The following BACH2 variants were observed in gnomAD, a reference collection of about 807,000 sequenced individuals.
The protein encoded by BACH2 is BACH transcriptional regulator 2.
Under a neutral mutation model 61.8 loss-of-function variants are expected in BACH2, and 5 were observed. That is an observed-to-expected ratio of 0.08 (90% confidence interval 0.04 to 0.17). BACH2 has a LOEUF of 0.17. BACH2 is among the 10% of genes least tolerant of loss of function. The pLI is 1.00. For missense variants in BACH2, 824 were observed against 1,091.1 expected, an observed-to-expected ratio of 0.76 and a Z score of 3.45; for synonymous variants, 446 against 440.1, an observed-to-expected ratio of 1.01 and a Z score of -0.17.
chr6:90,051,288 T>A (rs1365435360), intron 5 of BACH2, among the ~76,000 whole-genome samples: 1 of 152,244 alleles, frequency 6.6e-6, no homozygotes, highest in Non-Finnish European at 1.5e-5. Context: ...ATATATTGTA[T>A]ATTGATCTTA....
intron 4 of BACH2, among the ~76,000 whole-genome samples, chr6:90,181,658 T>G (rs1337418532): frequency 6.6e-6 from 1 of 152,102 alleles, no homozygotes; most frequent in South Asian, 2.1e-4. Flanking sequence ...CACAGCTCAC[T>G]GCAGCCTCGA....
intron 4 of BACH2, among the ~76,000 whole-genome samples, chr6:90,103,290 A>G (rs1782757511): frequency 6.6e-6 from 1 of 151,788 alleles, no homozygotes; most frequent in Non-Finnish European, 1.5e-5. Context: ...GAGCAGAGAG[A>G]GCCAGGAGCT....
At chr6:90,179,250 A>G (rs1016218279) in intron 4 of BACH2, among the ~76,000 whole-genome samples, 1 of 152,228 alleles carries the variant, frequency 6.6e-6, no homozygotes, top group Non-Finnish European at 1.5e-5. Flanking sequence ...ATCACTAATG[A>G]AATGTATCCA....
chr6:90,110,584 T>C (rs1783125911), intron 4 of BACH2, among the ~76,000 whole-genome samples: 1 of 152,250 alleles, frequency 6.6e-6, no homozygotes, highest in Admixed American at 6.5e-5. Flanking sequence ...GTAGCAGCTA[T>C]GTGTTTTCCA....
At chr6:90,112,462 GAA>G (rs1783215644) in intron 4 of BACH2, among the ~76,000 whole-genome samples, 1 of 152,134 alleles carries the variant, frequency 6.6e-6, no homozygotes, top group Non-Finnish European at 1.5e-5. Context: ...CATTCTTACA[GAA>G]AAAAGTCTTC....
chr6:89,932,146 C>T lies in BACH2; in HGVS notation c.*262G>A, dbSNP rs1772690246. On this transcript the variant is annotated 3_prime_UTR_variant, in exon 9 of 9. Coordinates refer to ENST00000257749, the MANE Select transcript of BACH2 (RefSeq NM_021813.4). ...GTGTTGTAGTCTATCCCTGTGAAGA[C>T]TGAAATTGAGCCACAGACAGACAGT... The T allele has an allele frequency of 2.5e-6, 1 of 394,994 alleles. No homozygotes were observed. The allele number at this position is 394,994 out of a possible 1,614,324, so 24.5% of individuals were successfully genotyped here.
In BACH2 at chr6:90,008,300, T is replaced by C. The variant is rs16882351; in HGVS notation, c.243+302A>G. 0.11 allele frequency: 51,055 copies of C among 447,942 alleles called. 3,184 individuals are homozygous for C. The highest frequency in any genetic ancestry group is 0.19 in the Middle Eastern group (294 of 1,518). 27.7% of individuals were successfully genotyped at this position (447,942 alleles called of 1,614,324 possible). ...ATAGCAATGATTCAGATCCCACATC[T>C]AGGACTGTGCCAAACTTAGGCTGAA... On this transcript the variant is annotated intron_variant, in intron 6 of 8. Coordinates refer to ENST00000257749, the MANE Select transcript of BACH2 (RefSeq NM_021813.4). This position sits in a 1 kb window ranked among gnomAD's most constrained non-coding sequence, Gnocchi z 4.1.
rs373993227 is a variant in BACH2 at position 89,939,935 on chromosome 6, C to G, written c.1837-1585G>C. On this transcript the variant is annotated intron_variant, in intron 7 of 8. Coordinates refer to ENST00000257749, the MANE Select transcript of BACH2 (RefSeq NM_021813.4). ...CAGGCTGGTTTCAAACTCCTGGGCT[C>G]AAGTGATTCTCCCTACTCAGCCTCC... Among the ~76,000 whole-genome samples the G allele has an allele frequency of 3.6e-4, 54 of 149,600 alleles. No homozygotes were observed. The South Asian group carries it at 0.011, about 32-fold the overall frequency.
chr6:90,011,477 C>A (rs1286690756), intron 5 of BACH2, among the ~76,000 whole-genome samples: 2 of 152,210 alleles, frequency 1.3e-5, no homozygotes, highest in Non-Finnish European at 2.9e-5. Flanking sequence ...GTTGTTTTTA[C>A]ATTTATGAAT....
intron 4 of BACH2, among the ~76,000 whole-genome samples, chr6:90,091,026 A>G (rs930145062): frequency 3.9e-5 from 6 of 152,190 alleles, no homozygotes; most frequent in Non-Finnish European, 5.9e-5. Flanking sequence ...CGCCAAGTGC[A>G]TTGGTAACAA....
rs772764519 is a variant in BACH2 at position 89,951,485 on chromosome 6, C to A, written c.621G>T (p.Leu207=). The part of the protein sequence containing the change: ...IPVAEKEEAL[L]PEPDVPTDTK... ...TGTCTGTGGGCACGTCAGGCTCGGG[C>A]AGCAGGGCTTCTTCCTTCTCTGCTA... Residue 207 remains leucine (L), a synonymous_variant, in exon 7 of 9, where the codon CTG becomes CTT. Coordinates refer to ENST00000257749, the MANE Select transcript of BACH2 (RefSeq NM_021813.4). This position sits in a 1 kb window ranked among gnomAD's most constrained non-coding sequence, Gnocchi z 6.4. 4.3e-6 allele frequency: 7 copies of A among 1,614,116 alleles called. No individual in the cohort carries two copies. The South Asian group carries it at 6.6e-5, about 15-fold the overall frequency.
intron 1 of BACH2, among the ~76,000 whole-genome samples, chr6:90,291,323 G>C (rs1214192523): frequency 6.6e-6 from 1 of 152,060 alleles, no homozygotes; most frequent in Non-Finnish European, 1.5e-5. Flanking sequence ...ATTCCTGCCT[G>C]AATTTTGAAG....
intron 5 of BACH2, among the ~76,000 whole-genome samples, chr6:90,084,871 C>T (rs1781865787): frequency 6.6e-6 from 1 of 151,888 alleles, no homozygotes; most frequent in Non-Finnish European, 1.5e-5. Context: ...TTTTTGAAAC[C>T]ATGGATCCTT....
intron 2 of BACH2, among the ~76,000 whole-genome samples, chr6:90,269,799 T>C (rs540889670): frequency 1.3e-5 from 2 of 152,326 alleles, no homozygotes; most frequent in South Asian, 4.1e-4. Flanking sequence ...AATAAGCTGA[T>C]GGCCCCGGTG....
At chr6:90,056,288 A>C (rs941633511) in intron 5 of BACH2, among the ~76,000 whole-genome samples, 1 of 152,190 alleles carries the variant, frequency 6.6e-6, no homozygotes, top group African/African-American at 2.4e-5. Context: ...TCTACCAAGC[A>C]AATGGAAAAC....
intron 1 of BACH2, among the ~76,000 whole-genome samples, chr6:90,288,288 T>C (rs1287230348): frequency 1.3e-5 from 2 of 152,112 alleles, no homozygotes; most frequent in Admixed American, 6.5e-5. Flanking sequence ...ATTGTTTGCA[T>C]AGAAATCTTT....
At chr6:90,132,894 C>T (rs190107038) in intron 4 of BACH2, among the ~76,000 whole-genome samples, 1 of 152,310 alleles carries the variant, frequency 6.6e-6, no homozygotes, top group East Asian at 1.9e-4. Flanking sequence ...TCTTTTCCCA[C>T]CCAAAGTGCC....
At chr6:90,024,604 G>A (rs1562377886) in intron 5 of BACH2, among the ~76,000 whole-genome samples, 1 of 152,124 alleles carries the variant, frequency 6.6e-6, no homozygotes, top group Non-Finnish European at 1.5e-5. Context: ...TGAAAGTATA[G>A]GAACTTTAGG....
At chr6:90,184,742 C>T (rs763181327) in intron 4 of BACH2, among the ~76,000 whole-genome samples, 21 of 152,190 alleles carry the variant, frequency 1.4e-4, no homozygotes, top group Non-Finnish European at 2.5e-4. Context: ...GCAGACTCTA[C>T]CTGCTTTCCA....
Sources: gnomAD v4.1 joint callset for allele counts (sites outside exome capture counted in the v4.1 genomes callset) on GRCh38, gnomAD v4.1.1 for gene constraint, Gnocchi (gnomAD v3.1) non-coding constraint, MANE v1.5 for transcripts, NCBI Gene and HGNC (gene_info 2026-07-23, HGNC 2026-07-21) for gene names.